The following PLEKHA4 variants were observed in gnomAD, a reference collection of about 807,000 sequenced individuals.
PLEKHA4 encodes the protein pleckstrin homology domain-containing family A member 4.
PLEKHA4 carries 73 observed loss-of-function variants against 94.7 expected under a neutral mutation model. That is an observed-to-expected ratio of 0.77 (90% CI 0.64 to 0.94). PLEKHA4 has a LOEUF of 0.94. Among genes scored for constraint, PLEKHA4 ranks in the 40% least tolerant of loss-of-function variants. The probability of loss-of-function intolerance (pLI) is 0.00; values close to 1 mark genes in which losing one functional copy is unlikely to be tolerated. For missense variants in PLEKHA4, 1,049 were observed against 1,054.1 expected (o/e 1.00, Z 0.07); for synonymous variants, 449 against 437.1 (o/e 1.03, Z -0.34).
At chr19:48,865,341 TTAAAAA>T (rs2123187544) in intron 3 of PLEKHA4, among the ~76,000 whole-genome samples, 156 bp downstream of exon 3, 1 of 152,164 alleles carries the variant, frequency 6.6e-6, no homozygotes, top group Admixed American at 6.5e-5. Context: ...AGACTCTGTC[TTAAAAA>T]TAAATAAATA....
At chr19:48,866,518 G>A (rs533600963) in intron 2 of PLEKHA4, among the ~76,000 whole-genome samples, 1 of 152,056 alleles carries the variant, frequency 6.6e-6, no homozygotes, top group African/African-American at 2.4e-5. Context: ...TGTCAGTCAG[G>A]CTGCTCTTGA....
At chr19:48,846,129 G>T (rs890426806) in intron 14 of PLEKHA4, among the ~76,000 whole-genome samples, 2 of 151,418 alleles carry the variant, frequency 1.3e-5, no homozygotes, top group African/African-American at 4.9e-5. Flanking sequence ...CTAGACACCA[G>T]CTGGGCAACA....
intron 3 of PLEKHA4, among the ~76,000 whole-genome samples, chr19:48,863,612 T>G (rs2036728587): frequency 6.6e-6 from 1 of 150,952 alleles, no homozygotes; most frequent in Non-Finnish European, 1.5e-5. Context: ...TTTTTTTTTG[T>G]ATTTTTTAGT....
intron 16 of PLEKHA4, 83 bp from the exon 17 acceptor site, chr19:48,841,393 G>A (rs1599866172): frequency 1.4e-6 from 2 of 1,385,484 alleles, no homozygotes; most frequent in Non-Finnish European, 1.9e-6. Context: ...TTGGGAGGCT[G>A]AGTAGAGAGG....
In PLEKHA4 at chr19:48,861,495, C is replaced by G; in HGVS notation, c.272G>C (p.Arg91Pro). ...GHCLFYYKDS[R>P]EESVLGSVLL... ...GACGCTGCCTAGGACACTCTCCTCGCGGCTGTCTGCAAAGAGGGGCTGGGG... is the reference window on the plus strand; with the variant it reads ...GACGCTGCCTAGGACACTCTCCTCGGGGCTGTCTGCAAAGAGGGGCTGGGG... The change falls in exon 5 of 20, where the codon CGC (arginine) becomes CCC (proline). Residue 91 changes from arginine to proline, a missense_variant. By Grantham distance (103) the Arg-to-Pro change is moderately radical. Coordinates refer to ENST00000263265, the MANE Select transcript of PLEKHA4 (RefSeq NM_020904.3). 1 of 1,614,040 alleles carries G rather than the reference C, an allele frequency of 6.2e-7. No homozygotes were observed. The highest frequency in any genetic ancestry group is 8.5e-7 in the Non-Finnish European group (1 of 1,179,956).
Position 48,867,785 on chromosome 19 carries a change from G to C in PLEKHA4, c.-6-159C>G, listed in dbSNP as rs2036884222. 6.6e-6 allele frequency among the ~76,000 whole-genome samples: 1 copy of C among 152,126 alleles called. No homozygotes were observed. Among genetic ancestry groups the C allele is most frequent in the South Asian group, 2.1e-4 (1 of 4,822 alleles). ...GCCATGGCCCGTGACCACATACCAA[G>C]AGTGGTGCCAAGAGAGGTAGGCGGC... is the stretch of plus-strand genomic sequence containing the variant. On this transcript the variant is annotated intron_variant, in intron 1 of 19. Transcript: ENST00000263265. This position sits in a 1 kb window ranked among gnomAD's most constrained non-coding sequence, Gnocchi z 4.7.
At chr19:48,847,486 C>T (rs1323270264) in intron 14 of PLEKHA4, among the ~76,000 whole-genome samples, 3 of 152,138 alleles carry the variant, frequency 2.0e-5, no homozygotes, top group African/African-American at 7.2e-5. Flanking sequence ...AATCCCAACA[C>T]TTTGGGAGGC....
At chr19:48,861,332 G>C (rs1395347237) in intron 5 of PLEKHA4, 69 bp downstream of exon 5, 6 of 1,353,470 alleles carry the variant, frequency 4.4e-6, no homozygotes, top group East Asian at 2.3e-5. Flanking sequence ...GAGTTTCCTC[G>C]ACAGATATCT....
chr19:48,848,894 GTC>G (rs1017443563), intron 13 of PLEKHA4, among the ~76,000 whole-genome samples: 5 of 151,972 alleles, frequency 3.3e-5, no homozygotes, highest in African/African-American at 1.2e-4. Context: ...GAATATGAGA[GTC>G]TGTTCTTTTT....
intron 3 of PLEKHA4, 87 bp downstream of exon 3, chr19:48,865,416 A>G: frequency 1.2e-6 from 1 of 864,012 alleles, no homozygotes; most frequent in Non-Finnish European, 1.9e-6. Context: ...AGAAAAAGAA[A>G]GCCTATTTGG....
rs752736019 is a variant in PLEKHA4 at position 48,837,598 on chromosome 19, G to C, written c.2078-47C>G. On this transcript the variant is annotated intron_variant, in intron 19 of 19. Coordinates refer to ENST00000263265, the MANE Select transcript of PLEKHA4 (RefSeq NM_020904.3). The surrounding 1 kb of genome is among the most constrained non-coding windows in gnomAD (Gnocchi z 4.3). ...TGAGAATGGCAAACCTCAGCGCTAG[G>C]ACCCCGGATTCCCAGCCCCTCCTCC... is the stretch of plus-strand genomic sequence containing the variant. 1.2e-6 allele frequency: 2 copies of C among 1,604,756 alleles called. No individual in the cohort carries two copies. Among genetic ancestry groups the C allele is most frequent in the Non-Finnish European group, 1.7e-6 (2 of 1,175,790 alleles).
intron 13 of PLEKHA4, among the ~76,000 whole-genome samples, chr19:48,849,967 CT>C (rs1214799368): frequency 6.6e-6 from 1 of 152,174 alleles, no homozygotes; most frequent in African/African-American, 2.4e-5. Context: ...AATCCCAGCA[CT>C]TTGGGAGGCC....
At chr19:48,856,393 C>T (rs1276572795) in intron 9 of PLEKHA4, among the ~76,000 whole-genome samples, 1 of 130,622 alleles carries the variant, frequency 7.7e-6, no homozygotes, top group Non-Finnish European at 1.8e-5. Flanking sequence ...ACCATCCTGG[C>T]TAACACAGTG....
chr19:48,867,916 G>A lies in PLEKHA4; in HGVS notation c.-7+167C>T, dbSNP rs607801. 0.25 allele frequency among the ~76,000 whole-genome samples: 37,871 copies of A among 151,904 alleles called. 6,401 individuals carry two copies. Among genetic ancestry groups the A allele is most frequent in the African/African-American group, 0.48 (20,041 of 41,350 alleles). The stretch of plus-strand genomic sequence containing the variant: ...AGGCCAGGAATTTGACCCTCTCTGT[G>A]CTTAGGGACTCCCCATTCCCTGCCT... On this transcript the variant is annotated intron_variant, in intron 1 of 19. Coordinates refer to ENST00000263265, the MANE Select transcript of PLEKHA4 (RefSeq NM_020904.3). This position sits in a 1 kb window ranked among gnomAD's most constrained non-coding sequence, Gnocchi z 4.7.
At chr19:48,854,356 G>T in intron 9 of PLEKHA4, 92 bp from the exon 10 acceptor site, 1 of 1,057,410 alleles carries the variant, frequency 9.5e-7, no homozygotes. Context: ...CTACTGATAG[G>T]TACTGCACTA....
At chr19:48,848,485 CA>C (rs5828364) in intron 13 of PLEKHA4, among the ~76,000 whole-genome samples, 1,998 of 92,656 alleles carry the variant, frequency 0.022, 21 homozygotes, top group Middle Eastern at 0.06. Flanking sequence ...GACTCCGTCT[CA>C]AAAAAAAAAA....
chr19:48,844,127 TATTATTA>T (rs1201102523), intron 16 of PLEKHA4, among the ~76,000 whole-genome samples: 2 of 45,562 alleles, frequency 4.4e-5, no homozygotes, highest in African/African-American at 1.6e-4. Flanking sequence ...ATTTTATTAT[TATTATTA>T]TTATTATTAT....
At chr19:48,860,888 GGAAAGGAAAATGGAA>G (rs2036613950) in intron 5 of PLEKHA4, among the ~76,000 whole-genome samples, 4 of 119,266 alleles carry the variant, frequency 3.4e-5, no homozygotes, top group Non-Finnish European at 8.6e-5. Flanking sequence ...GGAAAGGAAA[GGAAAGGAAAATGGAA>G]AGGAAAGGAA....
chr19:48,863,440 T>G (rs1383043412), intron 3 of PLEKHA4, among the ~76,000 whole-genome samples: 3 of 149,404 alleles, frequency 2.0e-5, no homozygotes, highest in Non-Finnish European at 4.5e-5. Flanking sequence ...TTGTTTTTTT[T>G]TTTTTTTGAG....
Sources: gnomAD v4.1 joint callset for allele counts (sites outside exome capture counted in the v4.1 genomes callset) on GRCh38, gnomAD v4.1.1 for gene constraint, Gnocchi (gnomAD v3.1) non-coding constraint, MANE v1.5 for transcripts, NCBI Gene and HGNC (gene_info 2026-07-23, HGNC 2026-07-21) for gene names.